The following CALCRL variants were observed in gnomAD, a reference collection of about 807,000 sequenced individuals.
CALCRL encodes calcitonin gene-related peptide type 1 receptor.
Under a neutral mutation model 60.4 loss-of-function variants are expected in CALCRL, and 27 were observed. That is an observed-to-expected ratio of 0.45 (90% CI 0.33 to 0.62). CALCRL has a LOEUF of 0.62. CALCRL is among the 20% of genes least tolerant of loss of function. The pLI is 0.03. For missense variants in CALCRL, 424 were observed against 540.7 expected, an observed-to-expected ratio of 0.78 and a Z score of 2.14; for synonymous variants, 190 against 182.6, an observed-to-expected ratio of 1.04 and a Z score of -0.33.
At chr2:187,369,071 G>A (rs1329471404) in intron 8 of CALCRL, among the ~76,000 whole-genome samples, 1 of 152,060 alleles carries the variant, frequency 6.6e-6, no homozygotes, top group Non-Finnish European at 1.5e-5. Context: ...GGTGCTCAAT[G>A]AAGGTCCTAG....
intron 1 of CALCRL, among the ~76,000 whole-genome samples, chr2:187,406,198 A>AC (rs1553512842): frequency 0.043 from 6,495 of 151,586 alleles, 474 homozygotes; most frequent in African/African-American, 0.15. Context: ...AAAAAAAAAA[A>AC]CACAAATCTG....
At chr2:187,443,304 A>G (rs1393671216) in intron 1 of CALCRL, among the ~76,000 whole-genome samples, 1 of 151,848 alleles carries the variant, frequency 6.6e-6, no homozygotes, top group East Asian at 1.9e-4. Context: ...CTCATTCACA[A>G]CAGACTTAAG....
At chr2:187,441,602 A>G (rs1013716799) in intron 1 of CALCRL, among the ~76,000 whole-genome samples, 2 of 151,952 alleles carry the variant, frequency 1.3e-5, no homozygotes, top group Non-Finnish European at 2.9e-5. Context: ...AGTATCCCCT[A>G]AAGGAAATAA....
chr2:187,389,507 A>C (rs2105798930), intron 1 of CALCRL, among the ~76,000 whole-genome samples: 1 of 152,302 alleles, frequency 6.6e-6, no homozygotes, highest in African/African-American at 2.4e-5. Context: ...CACATTTCTG[A>C]AGTTATCACA....
At chr2:187,426,734 T>C (rs2105884462) in intron 1 of CALCRL, among the ~76,000 whole-genome samples, 1 of 152,196 alleles carries the variant, frequency 6.6e-6, no homozygotes, top group Non-Finnish European at 1.5e-5. Context: ...TTAACCCAGC[T>C]TACCTATGAG....
At chr2:187,352,061 T>C in intron 13 of CALCRL, 53 bp downstream of exon 13, 2 of 1,551,744 alleles carry the variant, frequency 1.3e-6, no homozygotes, top group Non-Finnish European at 1.8e-6. Flanking sequence ...CAAAGCTATA[T>C]GTATATTTAA....
At chr2:187,350,780 A>G (rs1209198816) in intron 14 of CALCRL, among the ~76,000 whole-genome samples, 3 of 151,672 alleles carry the variant, frequency 2.0e-5, no homozygotes, top group Non-Finnish European at 3.0e-5. Context: ...GGTTATACCA[A>G]CTGGTCCCAT....
chr2:187,361,943 A>AT (rs1687073273), intron 9 of CALCRL, among the ~76,000 whole-genome samples: 7 of 152,032 alleles, frequency 4.6e-5, no homozygotes, highest in Admixed American at 6.5e-5. Flanking sequence ...ACACAGCATT[A>AT]TATTAAAGTT....
At chr2:187,398,996 G>A (rs961932879) in intron 1 of CALCRL, among the ~76,000 whole-genome samples, 6 of 151,576 alleles carry the variant, frequency 4.0e-5, no homozygotes, top group African/African-American at 9.7e-5. Flanking sequence ...TTTATTTGGA[G>A]CAGTGTAGTG....
At chr2:187,351,409 T>C (rs1289056189) in intron 14 of CALCRL, among the ~76,000 whole-genome samples, 1 of 151,812 alleles carries the variant, frequency 6.6e-6, no homozygotes, top group East Asian at 1.9e-4. Flanking sequence ...AATTAGAGCA[T>C]TCTCTTCTAA....
At chr2:187,408,224 G>A (rs11887657) in intron 1 of CALCRL, among the ~76,000 whole-genome samples, 10,142 of 151,822 alleles carry the variant, frequency 0.067, 399 homozygotes, top group South Asian at 0.096. Context: ...TCAGATATAC[G>A]TGAAACAAAA....
At chr2:187,424,787 G>T (rs1036048939) in intron 1 of CALCRL, among the ~76,000 whole-genome samples, 1 of 151,904 alleles carries the variant, frequency 6.6e-6, no homozygotes, top group African/African-American at 2.4e-5. Flanking sequence ...ATTCATACTG[G>T]AGTCTACATA....
chr2:187,376,001 T>C (rs1687741920), intron 8 of CALCRL, among the ~76,000 whole-genome samples: 2 of 152,178 alleles, frequency 1.3e-5, no homozygotes, highest in Admixed American at 6.5e-5. Context: ...TGCCAAATAC[T>C]TTAACAGATA....
intron 1 of CALCRL, among the ~76,000 whole-genome samples, chr2:187,429,440 A>G (rs1690303777): frequency 6.6e-6 from 1 of 152,198 alleles, no homozygotes; most frequent in Non-Finnish European, 1.5e-5. Flanking sequence ...CTCAGTTTAG[A>G]GACAGAAATT....
intron 9 of CALCRL, among the ~76,000 whole-genome samples, chr2:187,361,528 A>G (rs989711679): frequency 9.9e-5 from 15 of 152,020 alleles, no homozygotes; most frequent in African/African-American, 3.6e-4. Flanking sequence ...AGTGGCAATT[A>G]TCATTATTTT....
chr2:187,357,248 C>T (rs936122740), intron 12 of CALCRL, among the ~76,000 whole-genome samples: 4 of 151,974 alleles, frequency 2.6e-5, no homozygotes, highest in African/African-American at 7.2e-5. Flanking sequence ...AGACTTGAAA[C>T]CAAACCAAAT....
intron 14 of CALCRL, among the ~76,000 whole-genome samples, chr2:187,349,096 G>T (rs1262051395): frequency 6.6e-6 from 1 of 151,518 alleles, no homozygotes; most frequent in Non-Finnish European, 1.5e-5. Flanking sequence ...TCTCATGAAA[G>T]AATTTGGGTT....
intron 8 of CALCRL, among the ~76,000 whole-genome samples, chr2:187,366,711 A>G (rs988538488): frequency 4.6e-5 from 7 of 152,080 alleles, no homozygotes; most frequent in African/African-American, 1.7e-4. Flanking sequence ...GTTAGTTGAT[A>G]AAAAATTTAA....
At chr2:187,416,934 CTT>C (rs898828929) in intron 1 of CALCRL, among the ~76,000 whole-genome samples, 2 of 152,128 alleles carry the variant, frequency 1.3e-5, no homozygotes, top group African/African-American at 4.8e-5. Context: ...TAGGAATAGA[CTT>C]TGAATTATCT....
Sources: gnomAD v4.1 joint callset for allele counts (sites outside exome capture counted in the v4.1 genomes callset) on GRCh38, gnomAD v4.1.1 for gene constraint, MANE v1.5 for transcripts, NCBI Gene and HGNC (gene_info 2026-07-23, HGNC 2026-07-21) for gene names.